SIPA1L3: variants seen among roughly 807,000 people sequenced by gnomAD.
SIPA1L3 encodes the protein signal-induced proliferation-associated 1-like protein 3.
In SIPA1L3, 59 loss-of-function variants were observed where a neutral mutation model predicts 150.1. The observed-to-expected ratio is 0.39, with a 90% CI of 0.32 to 0.49. The LOEUF (loss-of-function observed/expected upper bound fraction) is 0.49, where lower values mean the gene tolerates loss of function less well. Among genes scored for constraint, SIPA1L3 ranks in the 20% least tolerant of loss-of-function variants. SIPA1L3 has a pLI of 0.86. For synonymous variants in SIPA1L3, 1,070 were observed against 1,077.6 expected (o/e 0.99, Z 0.14); for missense variants, 2,211 against 2,489.5 (o/e 0.89, Z 2.38).
chr19:38,083,396 G>T lies in SIPA1L3; in HGVS notation c.1534+297G>T, dbSNP rs62121431. ...GTGCCAGGCACTCTCTAGAGCCTGG[G>T]GATGTAGTATCAACCAGCTTAAAAC... On this transcript the variant is annotated intron_variant, in intron 3 of 21. Transcript: ENST00000222345. 0.017 allele frequency among the ~76,000 whole-genome samples: 2,659 copies of T among 152,318 alleles called. 43 individuals are homozygous for T. Among genetic ancestry groups the T allele is most frequent in the Non-Finnish European group, 0.024 (1,616 of 68,026 alleles).
intron 1 of SIPA1L3, among the ~76,000 whole-genome samples, chr19:37,950,097 AAAAG>A (rs2046749604): frequency 2.6e-5 from 4 of 151,232 alleles, no homozygotes; most frequent in East Asian, 1.9e-4. Context: ...AAAAAAAAAA[AAAAG>A]AGTGTGACCA....
chr19:37,923,531 T>G (rs1298505621), intron 1 of SIPA1L3, among the ~76,000 whole-genome samples: 1 of 152,118 alleles, frequency 6.6e-6, no homozygotes, highest in Non-Finnish European at 1.5e-5. Context: ...GCACTTACCG[T>G]GGATGGAGCT....
chr19:38,176,072 T>C (rs1444327045), intron 15 of SIPA1L3, among the ~76,000 whole-genome samples: 3 of 152,182 alleles, frequency 2.0e-5, no homozygotes, highest in African/African-American at 4.8e-5. Context: ...CCAGGCATAA[T>C]GGTGGGTACC....
chr19:38,016,958 G>A (rs1455517889), intron 1 of SIPA1L3, among the ~76,000 whole-genome samples: 5 of 135,386 alleles, frequency 3.7e-5, no homozygotes, highest in Non-Finnish European at 4.6e-5. Flanking sequence ...GTGCAGTGGC[G>A]TGATCTCAGC....
chr19:38,013,589 G>A (rs1968160056), intron 1 of SIPA1L3, among the ~76,000 whole-genome samples: 1 of 152,182 alleles, frequency 6.6e-6, no homozygotes, highest in African/African-American at 2.4e-5. Flanking sequence ...TGTATTATAT[G>A]TGCAGTTCTG....
intron 1 of SIPA1L3, among the ~76,000 whole-genome samples, chr19:37,961,744 A>G (rs951706726): frequency 2.0e-5 from 3 of 151,704 alleles, no homozygotes; most frequent in African/African-American, 7.3e-5. Flanking sequence ...GACTCCCATT[A>G]TGTCTGTCTT....
intron 1 of SIPA1L3, among the ~76,000 whole-genome samples, chr19:38,008,047 G>A (rs1274314432): frequency 6.6e-6 from 1 of 152,042 alleles, no homozygotes; most frequent in Non-Finnish European, 1.5e-5. Context: ...AGTGCATGTT[G>A]AATGAATGTG....
chr19:38,013,475 A>C (rs1448020152), intron 1 of SIPA1L3, among the ~76,000 whole-genome samples: 1 of 152,186 alleles, frequency 6.6e-6, no homozygotes, highest in African/African-American at 2.4e-5. Flanking sequence ...GAAGGTATAC[A>C]ATAGTCTTCT....
intron 10 of SIPA1L3, among the ~76,000 whole-genome samples, chr19:38,136,602 T>A (rs1971442697): frequency 6.6e-6 from 1 of 152,090 alleles, no homozygotes; most frequent in Admixed American, 6.6e-5. Context: ...AGACTCCGTC[T>A]CAAAAAAAAA....
intron 2 of SIPA1L3, among the ~76,000 whole-genome samples, chr19:38,075,625 C>T (rs552175217): frequency 6.8e-6 from 1 of 147,478 alleles, no homozygotes; most frequent in Admixed American, 6.8e-5. Context: ...ACTAAAAATA[C>T]AAAAATTGGC....
intron 4 of SIPA1L3, among the ~76,000 whole-genome samples, 186 bp from the exon 5 acceptor site, chr19:38,099,776 G>C (rs951981817): frequency 3.3e-5 from 5 of 152,182 alleles, no homozygotes; most frequent in Non-Finnish European, 5.9e-5. Context: ...GAAGTCACTT[G>C]GTCAAGACCG....
Position 38,011,645 on chromosome 19 carries a change from G to C in SIPA1L3, c.-378-17444G>C, listed in dbSNP as rs989721708. 9.2e-5 allele frequency among the ~76,000 whole-genome samples: 14 copies of C among 152,198 alleles called. 1 individual carries two copies. The highest frequency in any genetic ancestry group is 3.4e-4 in the African/African-American group (14 of 41,444). On this transcript the variant is annotated intron_variant, in intron 1 of 21. Transcript: ENST00000222345. ...CCCAGGGCAAGCATGAAATTGGAAG[G>C]TCAAGGCAGCCAGTGTGGCGGGAGC...
Position 37,985,956 on chromosome 19 carries a change from G to A in SIPA1L3, c.-378-43133G>A, listed in dbSNP as rs539440410. Among the ~76,000 whole-genome samples, 5 of 152,374 alleles carry A rather than the reference G, an allele frequency of 3.3e-5. No individual in the cohort carries two copies. The South Asian group carries it at 8.3e-4, about 25-fold the overall frequency. ...GTTCCAAAGGTGACCCAGCTGCGCC[G>A]TCATGCGAGCAAAGCGGTGGCGCTT... On this transcript the variant is annotated intron_variant, in intron 1 of 21. Transcript: ENST00000222345.
At chr19:38,127,001 T>C (rs1283054736) in intron 9 of SIPA1L3, among the ~76,000 whole-genome samples, 2 of 152,092 alleles carry the variant, frequency 1.3e-5, no homozygotes, top group African/African-American at 4.8e-5. Flanking sequence ...GACACCAGCC[T>C]GACCGACATG....
intron 16 of SIPA1L3, among the ~76,000 whole-genome samples, chr19:38,188,977 C>T (rs568255954): frequency 1.3e-5 from 2 of 151,984 alleles, no homozygotes; most frequent in African/African-American, 4.8e-5. Context: ...CATCCTGCTC[C>T]CTCCCCAAAA....
At chr19:37,962,132 A>G (rs187196971) in intron 1 of SIPA1L3, among the ~76,000 whole-genome samples, 1 of 141,228 alleles carries the variant, frequency 7.1e-6, no homozygotes, top group African/African-American at 2.7e-5. Context: ...GTGTCTCACA[A>G]TTTTTCTTTC....
At chr19:38,093,312 G>A (rs979735037) in intron 4 of SIPA1L3, among the ~76,000 whole-genome samples, 3 of 152,186 alleles carry the variant, frequency 2.0e-5, no homozygotes, top group Admixed American at 6.5e-5. Flanking sequence ...GTCCTGAGGC[G>A]GAGCCATGCT....
chr19:37,949,062 C>G (rs1169997676), intron 1 of SIPA1L3, among the ~76,000 whole-genome samples: 1 of 152,180 alleles, frequency 6.6e-6, no homozygotes, highest in East Asian at 1.9e-4. Context: ...CCACCTTAGA[C>G]CCACCTAAGC....
intron 1 of SIPA1L3, among the ~76,000 whole-genome samples, chr19:37,957,353 T>C (rs1225265171): frequency 1.3e-5 from 2 of 152,250 alleles, no homozygotes; most frequent in African/African-American, 4.8e-5. Flanking sequence ...TGACTCTACA[T>C]GTCAATATGG....
Sources: gnomAD v4.1 joint callset for allele counts (sites outside exome capture counted in the v4.1 genomes callset) on GRCh38, gnomAD v4.1.1 for gene constraint, MANE v1.5 for transcripts, NCBI Gene and HGNC (gene_info 2026-07-23, HGNC 2026-07-21) for gene names.